Variants in ADK observed in about 807,000 individuals in gnomAD.
ADK encodes N6,N6-dimethyladenosine kinase.
In ADK, 24 loss-of-function variants were observed where a neutral mutation model predicts 44.7. The observed-to-expected ratio is 0.54, with a 90% CI of 0.39 to 0.76. ADK has a LOEUF of 0.76. Ranked by LOEUF, ADK falls within the 30% of genes least tolerant of loss-of-function variation. The pLI, the probability that ADK is intolerant of heterozygous loss-of-function variation, is 0.00. For missense variants in ADK, 321 were observed against 425.1 expected, an observed-to-expected ratio of 0.76 and a Z score of 2.15; for synonymous variants, 128 against 142.6, an observed-to-expected ratio of 0.90 and a Z score of 0.73.
rs750811483 is a variant in ADK at position 74,420,939 on chromosome 10, ATGTAC to A, written c.555+22364_555+22368del. 8.5e-5 allele frequency among the ~76,000 whole-genome samples: 13 copies of A among 152,312 alleles called. No individual in the cohort carries two copies. In the East Asian group the frequency reaches 1.9e-3, roughly 23 times the overall value. On this transcript the variant is annotated intron_variant, in intron 6 of 10. Coordinates refer to ENST00000539909, the MANE Select transcript of ADK (RefSeq NM_006721.4). ...GATACAAAAGGCAATTTTTAGGGCG[ATGTAC>A]TGTTCTGTATGGTACTGTGGTGGTG...
At chr10:74,209,405 A>T (rs1329135445) in intron 2 of ADK, among the ~76,000 whole-genome samples, 1 of 152,226 alleles carries the variant, frequency 6.6e-6, no homozygotes, top group East Asian at 1.9e-4. Flanking sequence ...TTGTTTACAA[A>T]TTACCCCAAA....
chr10:74,156,914 A>G (rs1259319961), intron 1 of ADK, among the ~76,000 whole-genome samples: 1 of 152,352 alleles, frequency 6.6e-6, no homozygotes, highest in Non-Finnish European at 1.5e-5. Flanking sequence ...AAACATCTCC[A>G]GGGACCAAGA....
intron 7 of ADK, among the ~76,000 whole-genome samples, chr10:74,572,498 C>T (rs1310187481): frequency 3.3e-5 from 5 of 152,080 alleles, no homozygotes; most frequent in Admixed American, 6.6e-5. Context: ...TTGCTCTTCT[C>T]GAGGAGTATC....
At chr10:74,286,734 G>A (rs1847176365) in intron 3 of ADK, among the ~76,000 whole-genome samples, 1 of 152,206 alleles carries the variant, frequency 6.6e-6, no homozygotes, top group Non-Finnish European at 1.5e-5. Context: ...GTAGGAAAAG[G>A]CCAGTCAACA....
At chr10:74,365,170 G>T (rs1005111727) in intron 4 of ADK, among the ~76,000 whole-genome samples, 2 of 146,902 alleles carry the variant, frequency 1.4e-5, no homozygotes, top group Admixed American at 7.1e-5. Flanking sequence ...CAATTCAGTG[G>T]CATTTACTGC....
At chr10:74,513,900 A>G (rs564587833) in intron 6 of ADK, among the ~76,000 whole-genome samples, 10 of 152,250 alleles carry the variant, frequency 6.6e-5, no homozygotes, top group African/African-American at 2.2e-4. Context: ...CAGCAGCTCT[A>G]TCAGTGTGTT....
rs375185189 is a variant in ADK at position 74,644,533 on chromosome 10, T to G, written c.878-25650T>G. On this transcript the variant is annotated intron_variant, in intron 9 of 10. Coordinates refer to ENST00000539909, the MANE Select transcript of ADK (RefSeq NM_006721.4). ...ACTTAAGTGAAAGAATTGGTTTTTT[T>G]ATTTGTTTGTTTATTTTTGAGGCAG... 2.6e-4 allele frequency among the ~76,000 whole-genome samples: 39 copies of G among 152,336 alleles called. 2 individuals carry two copies. Among genetic ancestry groups the G allele is most frequent in the African/African-American group, 9.1e-4 (38 of 41,578 alleles).
chr10:74,493,833 A>G (rs1847583479), intron 6 of ADK, among the ~76,000 whole-genome samples: 1 of 152,166 alleles, frequency 6.6e-6, no homozygotes, highest in South Asian at 2.1e-4. Flanking sequence ...GTTTTACCTC[A>G]TCTTTGGTAA....
rs148917276 is a variant in ADK, at chr10:74,695,837, A to G, written c.965-12484A>G. ...GTATTTTTTGTAGAGCCGAGGTTTCAATTTCTTACCCAGGCTGGTCTTGAA... is the reference window on the plus strand; with the variant it reads ...GTATTTTTTGTAGAGCCGAGGTTTCGATTTCTTACCCAGGCTGGTCTTGAA... On this transcript the variant is annotated intron_variant, in intron 10 of 10. Coordinates refer to ENST00000539909, the MANE Select transcript of ADK (RefSeq NM_006721.4). Among the ~76,000 whole-genome samples the G allele has an allele frequency of 5.5e-3, 831 of 151,820 alleles. 8 individuals are homozygous for G. Among genetic ancestry groups the G allele is most frequent in the African/African-American group, 0.019 (783 of 41,412 alleles).
intron 7 of ADK, among the ~76,000 whole-genome samples, chr10:74,532,746 C>T (rs997678918): frequency 1.3e-5 from 2 of 151,422 alleles, no homozygotes; most frequent in Non-Finnish European, 2.9e-5. Flanking sequence ...ACTAAAAATA[C>T]AAAAATTAGC....
intron 3 of ADK, among the ~76,000 whole-genome samples, chr10:74,299,499 C>CAAAAA (rs57161550): frequency 8.1e-6 from 1 of 124,184 alleles, no homozygotes. Flanking sequence ...GACTCTGTCT[C>CAAAAA]AAAAAAAAAA....
At chr10:74,650,298 TG>T (rs752398037) in intron 9 of ADK, among the ~76,000 whole-genome samples, 2 of 152,048 alleles carry the variant, frequency 1.3e-5, no homozygotes, top group Non-Finnish European at 2.9e-5. Flanking sequence ...CCGGCGTTTG[TG>T]GTCCCAGCTA....
intron 2 of ADK, 145 bp downstream of exon 2, chr10:74,200,983 A>G (rs560918721): frequency 1.1e-5 from 7 of 653,420 alleles, no homozygotes; most frequent in Non-Finnish European, 1.9e-5. Context: ...CAAGTGTGCT[A>G]TCATTAACTA....
chr10:74,247,651 G>A (rs963591431), intron 3 of ADK, among the ~76,000 whole-genome samples: 3 of 151,976 alleles, frequency 2.0e-5, no homozygotes, highest in Admixed American at 6.6e-5. Flanking sequence ...GAGTAAATTA[G>A]GAATATTGAC....
intron 7 of ADK, among the ~76,000 whole-genome samples, chr10:74,556,244 A>G (rs767162720): frequency 2.0e-5 from 3 of 152,232 alleles, no homozygotes; most frequent in Non-Finnish European, 4.4e-5. Flanking sequence ...TACCATAGCA[A>G]TGAACACATC....
At chr10:74,458,323 A>C (rs1427935511) in intron 6 of ADK, among the ~76,000 whole-genome samples, 1 of 125,720 alleles carries the variant, frequency 8.0e-6, no homozygotes, top group African/African-American at 3.1e-5. Flanking sequence ...TTTTTTGCAG[A>C]GACAGGGGGT....
intron 2 of ADK, among the ~76,000 whole-genome samples, chr10:74,203,855 T>C (rs1410836484): frequency 6.6e-6 from 1 of 151,732 alleles, no homozygotes; most frequent in Non-Finnish European, 1.5e-5. Context: ...AAAAAGGCAG[T>C]TGGAATTTTG....
At chr10:74,426,378 A>G (rs557720531) in intron 6 of ADK, among the ~76,000 whole-genome samples, 108 of 152,334 alleles carry the variant, frequency 7.1e-4, no homozygotes, top group Non-Finnish European at 1.3e-3. Flanking sequence ...GTTCTAGAAG[A>G]TTGGTTGAAT....
intron 7 of ADK, among the ~76,000 whole-genome samples, chr10:74,578,488 C>T (rs1173399206): frequency 1.3e-5 from 2 of 152,096 alleles, no homozygotes; most frequent in Admixed American, 1.3e-4. Flanking sequence ...TTAAGCTACT[C>T]TACTTCAACT....
Sources: allele counts gnomAD v4.1 joint callset (sites outside exome capture counted in the v4.1 genomes callset), GRCh38; gene constraint gnomAD v4.1.1; transcripts MANE v1.5; gene names NCBI Gene and HGNC (gene_info 2026-07-23, HGNC 2026-07-21).